RAB28: variants seen among roughly 807,000 people sequenced by gnomAD.
RAB28 encodes the protein ras-related protein Rab-28.
RAB28 carries 24 observed loss-of-function variants against 31.7 expected under a neutral mutation model. The observed-to-expected ratio is 0.76, with a 90% CI of 0.55 to 1.06. RAB28 has a LOEUF of 1.06. Among genes scored for constraint, RAB28 ranks in the 50% least tolerant of loss-of-function variants. RAB28 has a pLI of 0.00. For synonymous variants in RAB28, 100 were observed against 90.4 expected, an observed-to-expected ratio of 1.11 and a Z score of -0.60; for missense variants, 254 against 258.5, an observed-to-expected ratio of 0.98 and a Z score of 0.12.
At chr4:13,392,481 G>T (rs1376187179) in intron 4 of RAB28, among the ~76,000 whole-genome samples, 1 of 152,082 alleles carries the variant, frequency 6.6e-6, no homozygotes, top group Admixed American at 6.5e-5. Context: ...GGTAAATACA[G>T]AAGAAACTTG....
At chr4:13,473,784 C>A in intron 3 of RAB28, 1 of 315,688 alleles carries the variant, frequency 3.2e-6, no homozygotes, top group South Asian at 2.4e-5. Context: ...TCTGAAAATA[C>A]AGCATTATCA....
At chr4:13,389,677 T>C (rs963736469) in intron 4 of RAB28, among the ~76,000 whole-genome samples, 3 of 152,062 alleles carry the variant, frequency 2.0e-5, no homozygotes, top group Admixed American at 1.3e-4. Context: ...TGAACACATA[T>C]ATCACTACAT....
intron 4 of RAB28, among the ~76,000 whole-genome samples, chr4:13,416,785 T>C (rs1480834268): frequency 5.9e-5 from 9 of 152,148 alleles, no homozygotes; most frequent in Admixed American, 1.3e-4. Flanking sequence ...GATGGCCAAA[T>C]AGAAACAGCT....
At chr4:13,440,343 A>AG (rs1275321966) in intron 4 of RAB28, among the ~76,000 whole-genome samples, 4 of 152,166 alleles carry the variant, frequency 2.6e-5, no homozygotes, top group African/African-American at 9.6e-5. Flanking sequence ...GTATGAGGAT[A>AG]GAAAAAAAAA....
intron 4 of RAB28, among the ~76,000 whole-genome samples, chr4:13,415,708 G>A (rs1298439580): frequency 5.3e-5 from 8 of 152,072 alleles, no homozygotes; most frequent in Non-Finnish European, 8.8e-5. Context: ...TCCCCAACGA[G>A]CACCATCCCC....
intron 4 of RAB28, among the ~76,000 whole-genome samples, chr4:13,409,439 C>T (rs1212320733): frequency 6.6e-6 from 1 of 152,148 alleles, no homozygotes; most frequent in Non-Finnish European, 1.5e-5. Flanking sequence ...TGAACTCACA[C>T]CTGGCTCTCA....
At chr4:13,452,902 C>G (rs1715048841) in intron 4 of RAB28, among the ~76,000 whole-genome samples, 1 of 152,030 alleles carries the variant, frequency 6.6e-6, no homozygotes, top group Admixed American at 6.6e-5. Flanking sequence ...GTATTAGAGT[C>G]TATCTCTACC....
At chr4:13,437,931 C>T (rs1002888245) in intron 4 of RAB28, among the ~76,000 whole-genome samples, 25 of 152,130 alleles carry the variant, frequency 1.6e-4, no homozygotes, top group African/African-American at 6.0e-4. Context: ...ATAGTGAAGT[C>T]ATGGAATCAA....
Position 13,385,052 on chromosome 4 carries a change from T to A in RAB28, c.392-3458A>T, listed in dbSNP as rs1423632779. On this transcript the variant is annotated intron_variant, in intron 4 of 6. Coordinates refer to ENST00000330852, the MANE Select transcript of RAB28 (RefSeq NM_001017979.3). ...TGAAAAATACACTACAGTAATTTCA[T>A]AATGCAATTCCAACTATTAATAGCA... Among the ~76,000 whole-genome samples, 3 of 152,184 alleles carry A rather than the reference T, an allele frequency of 2.0e-5. 1 individual carries two copies. The highest frequency in any genetic ancestry group is 7.2e-5 in the African/African-American group (3 of 41,442).
rs899797688 is a variant in RAB28 at position 13,390,256 on chromosome 4, A to T, written c.392-8662T>A. Among the ~76,000 whole-genome samples the T allele has an allele frequency of 2.0e-5, 3 of 152,318 alleles. No homozygotes were observed. In the East Asian group the frequency reaches 5.8e-4, roughly 29 times the overall value. On this transcript the variant is annotated intron_variant, in intron 4 of 6. Coordinates refer to ENST00000330852, the MANE Select transcript of RAB28 (RefSeq NM_001017979.3). ...ACAAAAATCACAAGCATTCCTATAC[A>T]CCAATAACAGACAAACAGAGAGCCA...
intron 5 of RAB28, among the ~76,000 whole-genome samples, chr4:13,380,653 T>C (rs890185539): frequency 6.6e-6 from 1 of 152,128 alleles, no homozygotes; most frequent in African/African-American, 2.4e-5. Flanking sequence ...AAGGATGTAG[T>C]TATGGCAATC....
At chr4:13,417,811 T>G (rs926420016) in intron 4 of RAB28, among the ~76,000 whole-genome samples, 1 of 152,122 alleles carries the variant, frequency 6.6e-6, no homozygotes, top group Non-Finnish European at 1.5e-5. Flanking sequence ...GGAGAAAAGC[T>G]GAAAATTCTA....
Position 13,484,210 on chromosome 4 carries a change from C to T in RAB28, c.-60G>A. 1 of 1,391,400 alleles carries T rather than the reference C, an allele frequency of 7.2e-7. No individual in the cohort carries two copies. Among genetic ancestry groups the T allele is most frequent in the Non-Finnish European group, 1.0e-6 (1 of 1,002,434 alleles). The allele number at this position is 1,391,400 out of a possible 1,614,324, so 86.2% of individuals were successfully genotyped here. On this transcript the variant is annotated 5_prime_UTR_variant, in exon 1 of 7. Coordinates refer to ENST00000330852, the MANE Select transcript of RAB28 (RefSeq NM_001017979.3). ...GGGGGGGAAGGGAAGGATGAAGGCT[C>T]CGGGGGCGGGGGAGAGGAGGAAGGG... is the stretch of plus-strand genomic sequence containing the variant.
intron 6 of RAB28, 72 bp downstream of exon 6, chr4:13,376,473 A>C (rs1728925515): frequency 1.8e-6 from 2 of 1,132,040 alleles, no homozygotes; most frequent in Non-Finnish European, 2.6e-6. Context: ...AATGGGAAAG[A>C]ATTTATGGGT....
intron 4 of RAB28, among the ~76,000 whole-genome samples, chr4:13,387,690 GCTGT>G (rs1391919883): frequency 6.6e-6 from 1 of 151,990 alleles, no homozygotes; most frequent in African/African-American, 2.4e-5. Context: ...GAAGAAAATA[GCTGT>G]CTGTGAAGAA....
chr4:13,441,557 A>C (rs1441538862), intron 4 of RAB28, among the ~76,000 whole-genome samples: 2 of 152,216 alleles, frequency 1.3e-5, no homozygotes, highest in Non-Finnish European at 2.9e-5. Flanking sequence ...TTTCACTATA[A>C]TGATGCTTCC....
intron 4 of RAB28, among the ~76,000 whole-genome samples, chr4:13,391,206 C>T (rs906934096): frequency 1.1e-4 from 16 of 152,008 alleles, no homozygotes; most frequent in Admixed American, 8.5e-4. Flanking sequence ...AACAAATTTA[C>T]AAGAAAAAAA....
At chr4:13,449,435 A>G (rs563881856) in intron 4 of RAB28, among the ~76,000 whole-genome samples, 8 of 152,096 alleles carry the variant, frequency 5.3e-5, no homozygotes, top group African/African-American at 1.2e-4. Context: ...TATTGAGACC[A>G]TAAGTAAAAT....
chr4:13,376,403 A>G, intron 6 of RAB28, 142 bp downstream of exon 6: 1 of 531,022 alleles, frequency 1.9e-6, no homozygotes, highest in Non-Finnish European at 3.3e-6. Context: ...TGCAATAAAC[A>G]CTGATTCATA....
Sources: allele counts gnomAD v4.1 joint callset (sites outside exome capture counted in the v4.1 genomes callset), GRCh38; gene constraint gnomAD v4.1.1; transcripts MANE v1.5; gene names NCBI Gene and HGNC (gene_info 2026-07-23, HGNC 2026-07-21).